CNTN1: variants seen among roughly 807,000 people sequenced by gnomAD.
CNTN1 encodes the protein contactin 1.
Under a neutral mutation model 126.4 loss-of-function variants are expected in CNTN1, and 38 were observed. The observed-to-expected ratio is 0.30, with a 90% CI of 0.23 to 0.39. The LOEUF (loss-of-function observed/expected upper bound fraction) is 0.39, where lower values mean the gene tolerates loss of function less well. Among genes scored for constraint, CNTN1 ranks in the 10% least tolerant of loss-of-function variants. CNTN1 has a pLI of 1.00. For synonymous variants in CNTN1, 413 were observed against 422.6 expected (o/e 0.98, Z 0.28); for missense variants, 1,009 against 1,248.4 (o/e 0.81, Z 2.89).
chr12:41,025,352 T>G lies in CNTN1; in HGVS notation c.2710+16T>G. On this transcript the variant is annotated intron_variant, in intron 21 of 23. Coordinates refer to ENST00000551295, the MANE Select transcript of CNTN1 (RefSeq NM_001843.4). ...AAGAAAGCACGTGAGTCTCACGTTT[T>G]GTTTTTAGACTTGTCAAAAACTACC... 2 of 1,612,544 alleles carry G rather than the reference T, an allele frequency of 1.2e-6. No homozygotes were observed. The highest frequency in any genetic ancestry group is 1.7e-6 in the Non-Finnish European group (2 of 1,178,668).
intron 23 of CNTN1, among the ~76,000 whole-genome samples, chr12:41,067,804 G>A (rs1423168301): frequency 6.6e-6 from 1 of 151,610 alleles, no homozygotes; most frequent in Non-Finnish European, 1.5e-5. Context: ...ATTTACACTG[G>A]GTCAAACATT....
intron 21 of CNTN1, among the ~76,000 whole-genome samples, chr12:41,026,392 G>C (rs887451810): frequency 6.6e-6 from 1 of 152,160 alleles, no homozygotes; most frequent in Non-Finnish European, 1.5e-5. Context: ...GCAATAAAAT[G>C]AATAAATAGA....
intron 1 of CNTN1, among the ~76,000 whole-genome samples, chr12:40,845,746 G>A (rs1444760480): frequency 6.6e-6 from 1 of 152,166 alleles, no homozygotes; most frequent in African/African-American, 2.4e-5. Flanking sequence ...GCACACTGGG[G>A]TATGGGGAGC....
chr12:40,828,751 G>A (rs1941704776), intron 1 of CNTN1, among the ~76,000 whole-genome samples: 1 of 152,156 alleles, frequency 6.6e-6, no homozygotes, highest in Admixed American at 6.5e-5. Flanking sequence ...AAAGCACCGA[G>A]GTACTCAAAC....
intron 1 of CNTN1, among the ~76,000 whole-genome samples, chr12:40,906,265 C>T (rs758380447): frequency 2.0e-5 from 3 of 152,040 alleles, no homozygotes; most frequent in South Asian, 4.1e-4. Flanking sequence ...AGAGAGACTA[C>T]GTCTCAAAAG....
At chr12:40,747,784 A>C (rs1436438573) in intron 1 of CNTN1, among the ~76,000 whole-genome samples, 9 of 152,154 alleles carry the variant, frequency 5.9e-5, no homozygotes. Flanking sequence ...TGCCAAAAAA[A>C]AGTGTTTCTT....
chr12:41,010,540 C>T (rs962783154), intron 17 of CNTN1, among the ~76,000 whole-genome samples: 1 of 152,174 alleles, frequency 6.6e-6, no homozygotes, highest in Non-Finnish European at 1.5e-5. Flanking sequence ...AAGTGGTCAC[C>T]CTTAGGAGGT....
intron 1 of CNTN1, among the ~76,000 whole-genome samples, chr12:40,887,684 A>G (rs1379247412): frequency 6.6e-6 from 1 of 151,956 alleles, no homozygotes; most frequent in Non-Finnish European, 1.5e-5. Flanking sequence ...AAAGGACTAT[A>G]AATCATGCTG....
rs141481143 is a variant in CNTN1 at position 40,988,963 on chromosome 12, C to A, written c.1964-4157C>A. 4.3e-3 allele frequency among the ~76,000 whole-genome samples: 650 copies of A among 152,312 alleles called. 5 individuals carry two copies. Among genetic ancestry groups the A allele is most frequent in the African/African-American group, 0.015 (613 of 41,572 alleles). ...GTCTAGAACAAGGTCTGCTCCTGAT[C>A]CATCCCCAGTATTTGCCTCCATTAT... On this transcript the variant is annotated intron_variant, in intron 16 of 23. Coordinates refer to ENST00000551295, the MANE Select transcript of CNTN1 (RefSeq NM_001843.4).
chr12:40,854,810 C>T (rs986531149), intron 1 of CNTN1, among the ~76,000 whole-genome samples: 9 of 151,696 alleles, frequency 5.9e-5, no homozygotes, highest in Non-Finnish European at 1.2e-4. Flanking sequence ...GAGCAGATGG[C>T]GGAAGGAGAA....
intron 14 of CNTN1, among the ~76,000 whole-genome samples, chr12:40,951,909 G>GTCCTAGAC (rs1290137186): frequency 7.9e-5 from 12 of 151,952 alleles, no homozygotes; most frequent in African/African-American, 2.9e-4. Context: ...CAGAAAGACA[G>GTCCTAGAC]AGATAGTGGA....
At chr12:41,024,370 T>G (rs1948991935) in intron 20 of CNTN1, among the ~76,000 whole-genome samples, 2 of 152,072 alleles carry the variant, frequency 1.3e-5, no homozygotes, top group East Asian at 3.8e-4. Context: ...TTATTCATTT[T>G]ATTCATACCT....
chr12:40,812,768 T>G (rs1941113270), intron 1 of CNTN1, among the ~76,000 whole-genome samples: 1 of 152,164 alleles, frequency 6.6e-6, no homozygotes, highest in South Asian at 2.1e-4. Flanking sequence ...ACTTTGTATG[T>G]GCCCTTAAAG....
intron 1 of CNTN1, among the ~76,000 whole-genome samples, chr12:40,793,310 G>A (rs188053379): frequency 5.9e-5 from 9 of 152,040 alleles, no homozygotes; most frequent in Admixed American, 5.3e-4. Context: ...CACACTTTAT[G>A]CATAGTTCCG....
intron 1 of CNTN1, among the ~76,000 whole-genome samples, chr12:40,864,428 T>C (rs969223554): frequency 1.3e-5 from 2 of 152,146 alleles, no homozygotes; most frequent in Non-Finnish European, 1.5e-5. Context: ...CAATCATTAA[T>C]CTAATTTCAG....
At chr12:40,983,254 G>C (rs1447322853) in intron 16 of CNTN1, among the ~76,000 whole-genome samples, 1 of 151,966 alleles carries the variant, frequency 6.6e-6, no homozygotes, top group African/African-American at 2.4e-5. Flanking sequence ...CATATAGTTG[G>C]ATTTTTCATC....
intron 23 of CNTN1, among the ~76,000 whole-genome samples, chr12:41,062,172 A>G (rs1949949826): frequency 6.6e-6 from 1 of 152,194 alleles, no homozygotes; most frequent in South Asian, 2.1e-4. Context: ...TTATTTTGTC[A>G]AAGTCATGAA....
At chr12:40,974,653 C>G (rs916512717) in intron 15 of CNTN1, among the ~76,000 whole-genome samples, 2 of 152,072 alleles carry the variant, frequency 1.3e-5, no homozygotes, top group Non-Finnish European at 2.9e-5. Context: ...AAAATTTGGT[C>G]TCATGACAAA....
chr12:40,864,032 T>A (rs1307410972), intron 1 of CNTN1, among the ~76,000 whole-genome samples: 1 of 145,724 alleles, frequency 6.9e-6, no homozygotes, highest in Non-Finnish European at 1.5e-5. Flanking sequence ...TTTTTTTTTT[T>A]TTTTTTTGAC....
Sources: allele counts gnomAD v4.1 joint callset (sites outside exome capture counted in the v4.1 genomes callset), GRCh38; gene constraint gnomAD v4.1.1; transcripts MANE v1.5; gene names NCBI Gene and HGNC (gene_info 2026-07-23, HGNC 2026-07-21).